Variants in TRIM37 observed in about 807,000 individuals in gnomAD.
TRIM37 encodes the protein tripartite motif containing 37, also known as E3 ubiquitin-protein ligase TRIM37.
TRIM37 carries 80 observed loss-of-function variants against 129.8 expected under a neutral mutation model. The observed-to-expected ratio is 0.62, with a 90% CI of 0.51 to 0.74. The LOEUF (loss-of-function observed/expected upper bound fraction) is 0.74. Ranked by LOEUF, TRIM37 falls within the 30% of genes least tolerant of loss-of-function variation. The pLI, the probability that TRIM37 is intolerant of heterozygous loss-of-function variation, is 0.00. For missense variants in TRIM37, 1,054 were observed against 1,176.5 expected, an observed-to-expected ratio of 0.90 and a Z score of 1.52; for synonymous variants, 389 against 387.1, an observed-to-expected ratio of 1.00 and a Z score of -0.06.
intron 13 of TRIM37, among the ~76,000 whole-genome samples, chr17:59,052,880 G>C (rs2040480829): frequency 6.6e-6 from 1 of 152,052 alleles, no homozygotes; most frequent in African/African-American, 2.4e-5. Context: ...GCTTGAATCT[G>C]GGAGGCAAAG....
chr17:59,024,232 AAAAAAAAT>A (rs1246214458), intron 19 of TRIM37, among the ~76,000 whole-genome samples: 80 of 151,728 alleles, frequency 5.3e-4, no homozygotes, highest in African/African-American at 1.9e-3. Flanking sequence ...AAAAAAAAAA[AAAAAAAAT>A]TGCCACATTG....
chr17:59,071,563 G>T (rs972250276), intron 8 of TRIM37, among the ~76,000 whole-genome samples: 2 of 152,084 alleles, frequency 1.3e-5, no homozygotes, highest in Non-Finnish European at 2.9e-5. Context: ...GGGATTACAT[G>T]CGTGAGCCAC....
At chr17:59,075,240 A>G (rs911769088) in intron 8 of TRIM37, among the ~76,000 whole-genome samples, 5 of 151,952 alleles carry the variant, frequency 3.3e-5, no homozygotes, top group Non-Finnish European at 2.9e-5. Context: ...TCTCATACAG[A>G]TAATCTCTGT....
At chr17:59,058,270 T>C (rs865929291) in intron 12 of TRIM37, among the ~76,000 whole-genome samples, 1 of 152,334 alleles carries the variant, frequency 6.6e-6, no homozygotes, top group Middle Eastern at 3.4e-3. Flanking sequence ...CTCAGCAAAC[T>C]AACACAGGAA....
At chr17:58,969,825 C>T in the TRIM37 span, 2 of 1,118,042 alleles carry the variant, frequency 1.8e-6, no homozygotes, top group Non-Finnish European at 2.5e-6. Context: ...TCTTTCTGGG[C>T]AGACATTATC....
rs541201338 is a variant in TRIM37 at position 59,080,659 on chromosome 17, T to A, written c.492+438A>T. Among the ~76,000 whole-genome samples, 4 of 152,128 alleles carry A rather than the reference T, an allele frequency of 2.6e-5. No homozygotes were observed. The East Asian group carries it at 7.7e-4, about 29-fold the overall frequency. On this transcript the variant is annotated intron_variant, in intron 6 of 23. Coordinates refer to ENST00000262294, the MANE Select transcript of TRIM37 (RefSeq NM_015294.6). ...TACAAAAATTAGCTGGGCGTGGTGG[T>A]GGGCACCTGTAATCCCAGCTACTTG...
intron 18 of TRIM37, among the ~76,000 whole-genome samples, chr17:59,031,097 G>A (rs1317411025): frequency 2.0e-5 from 3 of 152,134 alleles, no homozygotes; most frequent in Admixed American, 1.3e-4. Context: ...CCCTACACCA[G>A]TAGAAGAGCT....
chr17:59,005,246 A>C (rs1207360127), intron 22 of TRIM37, among the ~76,000 whole-genome samples: 1 of 152,280 alleles, frequency 6.6e-6, no homozygotes, highest in East Asian at 1.9e-4. Context: ...TCTTTTAAAA[A>C]AGTTATTAAA....
Position 58,998,773 on chromosome 17 carries a change from T to C in TRIM37, c.*604A>G, listed in dbSNP as rs964026607. ...TTGTAGAAGTCACACAACAGAAAGA[T>C]ACCATGCGGTTGAACAGTGTGCCTG... On this transcript the variant is annotated 3_prime_UTR_variant, in exon 24 of 24. Transcript: ENST00000262294. The C allele has an allele frequency of 1.4e-5, 14 of 986,142 alleles. No homozygotes were observed. The highest frequency in any genetic ancestry group is 1.7e-5 in the African/African-American group (1 of 57,238). The allele number at this position is 986,142 out of a possible 1,614,324, so 61.1% of individuals were successfully genotyped here. A position where few individuals can be genotyped will look rare whatever the true frequency, so the allele number is the denominator to read the frequency against.
chr17:59,103,405 G>A (rs1336098700), intron 2 of TRIM37, among the ~76,000 whole-genome samples: 1 of 149,732 alleles, frequency 6.7e-6, no homozygotes, highest in Non-Finnish European at 1.5e-5. Flanking sequence ...GCACTGGCAT[G>A]ATCTCGGCTC....
At chr17:59,070,227 A>T (rs1041863017) in intron 9 of TRIM37, among the ~76,000 whole-genome samples, 5 of 152,190 alleles carry the variant, frequency 3.3e-5, no homozygotes, top group African/African-American at 9.6e-5. Flanking sequence ...TCTAAGGTTT[A>T]GCCCAAGATG....
intron 9 of TRIM37, among the ~76,000 whole-genome samples, chr17:59,067,119 T>C (rs1028124718): frequency 6.6e-6 from 1 of 152,170 alleles, no homozygotes; most frequent in Non-Finnish European, 1.5e-5. Flanking sequence ...GGCTCACTGA[T>C]TTTGCATTCT....
chr17:58,967,504 GTA>G, the TRIM37 span, among the ~76,000 whole-genome samples: 38 of 148,408 alleles, frequency 2.6e-4, no homozygotes, highest in African/African-American at 3.2e-4. Context: ...ATATATATGT[GTA>G]TATATATATA....
intron 17 of TRIM37, among the ~76,000 whole-genome samples, chr17:59,034,168 C>A (rs752554267): frequency 6.6e-6 from 1 of 151,398 alleles, no homozygotes. Flanking sequence ...CTACTCAGAT[C>A]GTTCTTATGT....
chr17:58,980,033 G>A (rs1388422887), downstream of TRIM37: 1 of 1,614,156 alleles, frequency 6.2e-7, no homozygotes, highest in Non-Finnish European at 8.5e-7. This position sits in a 1 kb window ranked among gnomAD's most constrained non-coding sequence, Gnocchi z 4.7. Flanking sequence ...CACTGTTCTG[G>A]ATGGGACCGA....
At chr17:58,972,134 C>A in the TRIM37 span, 1 of 1,612,340 alleles carries the variant, frequency 6.2e-7, no homozygotes, top group Non-Finnish European at 8.5e-7. Flanking sequence ...GTTTTCAGAG[C>A]TTAAGATGTG....
At chr17:59,001,886 C>T (rs568277572) in intron 22 of TRIM37, 172 bp from the exon 23 acceptor site, 23 of 951,568 alleles carry the variant, frequency 2.4e-5, no homozygotes, top group Non-Finnish European at 3.0e-5. Context: ...GCACAAACCT[C>T]GATTCTCTTT....
the TRIM37 span, among the ~76,000 whole-genome samples, chr17:58,974,047 G>A: frequency 6.6e-6 from 1 of 151,506 alleles, no homozygotes; most frequent in Non-Finnish European, 1.5e-5. Context: ...AGGATTGCTT[G>A]AGTCCAGGAG....
chr17:58,980,809 G>A (rs753735196), downstream of TRIM37: 9 of 1,614,056 alleles, frequency 5.6e-6, no homozygotes, highest in African/African-American at 1.3e-5. The surrounding 1 kb of genome is among the most constrained non-coding windows in gnomAD (Gnocchi z 4.7). Context: ...ACAGATTCAG[G>A]TTTAATCCAA....
Sources: gnomAD v4.1 joint callset for allele counts (sites outside exome capture counted in the v4.1 genomes callset) on GRCh38, gnomAD v4.1.1 for gene constraint, Gnocchi (gnomAD v3.1) non-coding constraint, MANE v1.5 for transcripts, NCBI Gene and HGNC (gene_info 2026-07-23, HGNC 2026-07-21) for gene names.